KIF13A: variants seen among roughly 807,000 people sequenced by gnomAD.
KIF13A encodes kinesin-like protein KIF13A.
In KIF13A, 79 loss-of-function variants were observed where a neutral mutation model predicts 212.2. That is an observed-to-expected ratio of 0.37 (90% CI 0.31 to 0.45). KIF13A has a LOEUF of 0.45. KIF13A is among the 20% of genes least tolerant of loss of function. The probability of loss-of-function intolerance (pLI) is 1.00; values close to 1 mark genes in which losing one functional copy is unlikely to be tolerated. For synonymous variants in KIF13A, 789 were observed against 808.6 expected, an observed-to-expected ratio of 0.98 and a Z score of 0.41; for missense variants, 1,901 against 2,209.0, an observed-to-expected ratio of 0.86 and a Z score of 2.79.
In KIF13A at chr6:17,831,200, G is replaced by A. The variant is rs761126752; in HGVS notation, c.1302C>T (p.Ser434=). Reference sequence around the variant, plus strand: ...CCACCTTGATACCGGACATCTCCAGGGAAATCCCCATGCTTTCAAGTTGTC... The same window carrying A: ...CCACCTTGATACCGGACATCTCCAGAGAAATCCCCATGCTTTCAAGTTGTC... ...RQRQLESMGI[S]LEMSGIKVGD... Residue 434 remains serine (S), a synonymous_variant, in exon 13 of 39, where the codon TCC becomes TCT. Transcript: ENST00000259711. 6.2e-7 allele frequency: 1 copy of A among 1,613,802 alleles called. No homozygotes were observed. Among genetic ancestry groups the A allele is most frequent in the Non-Finnish European group, 8.5e-7 (1 of 1,179,830 alleles).
At chr6:17,857,452 T>C (rs1346271183) in intron 4 of KIF13A, among the ~76,000 whole-genome samples, 1 of 152,182 alleles carries the variant, frequency 6.6e-6, no homozygotes, top group Non-Finnish European at 1.5e-5. Context: ...CTCGCTGCCA[T>C]GTAAGACGTG....
At chr6:17,922,176 C>T (rs1775133342) in intron 2 of KIF13A, among the ~76,000 whole-genome samples, 1 of 152,162 alleles carries the variant, frequency 6.6e-6, no homozygotes, top group South Asian at 2.1e-4. Context: ...AGACTCAGGT[C>T]AACAGCTAAC....
downstream of KIF13A, chr6:17,763,556 G>A (rs1468707850): frequency 6.6e-6 from 1 of 151,458 alleles, no homozygotes; most frequent in East Asian, 1.9e-4. Context: ...AACTTCAACT[G>A]CTGCTGGAAT....
rs758714998 is a variant in KIF13A at position 17,794,450 on chromosome 6, G to A, written c.3076-55C>T. ...CAGGAATGATAATGAAAAGGAACGG[G>A]ATAAAGAAGGGGAAAAGGATTAGAG... On this transcript the variant is annotated intron_variant, in intron 24 of 38. Coordinates refer to ENST00000259711, the MANE Select transcript of KIF13A (RefSeq NM_022113.6). This position sits in a 1 kb window ranked among gnomAD's most constrained non-coding sequence, Gnocchi z 4.1. 2.5e-6 allele frequency: 4 copies of A among 1,578,530 alleles called. No individual in the cohort carries two copies. Among genetic ancestry groups the A allele is most frequent in the Non-Finnish European group, 2.6e-6 (3 of 1,156,308 alleles).
chr6:17,800,575 T>C (rs1762392721), intron 20 of KIF13A, among the ~76,000 whole-genome samples: 1 of 150,588 alleles, frequency 6.6e-6, no homozygotes, highest in African/African-American at 2.4e-5. Flanking sequence ...TAGTTGGGAT[T>C]ACAGGTGCGT....
Position 17,826,619 on chromosome 6 carries a change from G to T in KIF13A, c.1533-495C>A, listed in dbSNP as rs1200841659. Among the ~76,000 whole-genome samples the T allele has an allele frequency of 6.6e-6, 1 of 152,002 alleles. No individual in the cohort carries two copies. Among genetic ancestry groups the T allele is most frequent in the Non-Finnish European group, 1.5e-5 (1 of 68,002 alleles). ...AACAGACACACACACACACAGAAGA[G>T]AGGAAGAGGAAACCCATTTGTTAAA... On this transcript the variant is annotated intron_variant, in intron 14 of 38. Coordinates refer to ENST00000259711, the MANE Select transcript of KIF13A (RefSeq NM_022113.6). This position sits in a 1 kb window ranked among gnomAD's most constrained non-coding sequence, Gnocchi z 4.7.
chr6:17,885,115 T>TAA (rs35514465), intron 3 of KIF13A, among the ~76,000 whole-genome samples: 6,226 of 149,256 alleles, frequency 0.042, 181 homozygotes, highest in East Asian at 0.086. Context: ...TGAAGATTCA[T>TAA]AAAAGAAAAA....
Position 17,837,638 on chromosome 6 carries a change from T to A in KIF13A, c.831-55A>T. On this transcript the variant is annotated intron_variant, in intron 9 of 38. Transcript: ENST00000259711. This position sits in a 1 kb window ranked among gnomAD's most constrained non-coding sequence, Gnocchi z 5.4. ...ATGGAATGTTTATTTGGTTTAAGTA[T>A]AAAATATGCAGAACAATAAAGCTCC... 3 of 1,180,916 alleles carry A rather than the reference T, an allele frequency of 2.5e-6. No homozygotes were observed. The highest frequency in any genetic ancestry group is 2.5e-6 in the Non-Finnish European group (2 of 811,006). 73.2% of individuals were successfully genotyped at this position (1,180,916 alleles called of 1,614,324 possible).
Position 17,837,140 on chromosome 6 carries a change from A to G in KIF13A, c.943-50T>C. The G allele has an allele frequency of 6.7e-7, 1 of 1,489,328 alleles. No homozygotes were observed. Among genetic ancestry groups the G allele is most frequent in the Admixed American group, 1.7e-5 (1 of 58,704 alleles). The allele number at this position is 1,489,328 out of a possible 1,614,324, so 92.3% of individuals were successfully genotyped here. Reference sequence around the variant, plus strand: ...TTAGGAAGCCCATTCCATGGACAACACATATGATAAAAGCACTAAATGTGT... The same window carrying G: ...TTAGGAAGCCCATTCCATGGACAACGCATATGATAAAAGCACTAAATGTGT... On this transcript the variant is annotated intron_variant, in intron 10 of 38. Transcript: ENST00000259711. This position sits in a 1 kb window ranked among gnomAD's most constrained non-coding sequence, Gnocchi z 5.4.
chr6:17,936,651 T>G (rs1776492033), intron 2 of KIF13A, among the ~76,000 whole-genome samples: 1 of 152,230 alleles, frequency 6.6e-6, no homozygotes, highest in African/African-American at 2.4e-5. Context: ...TCCTATAATG[T>G]GGCTATTATT....
chr6:17,779,963 G>T (rs569718368), intron 31 of KIF13A, among the ~76,000 whole-genome samples: 1 of 151,010 alleles, frequency 6.6e-6, no homozygotes, highest in South Asian at 2.1e-4. Context: ...AGCCAGGATG[G>T]TCTCGATCTC....
chr6:17,931,354 TAAGAG>T (rs1014990336), intron 2 of KIF13A, among the ~76,000 whole-genome samples: 15 of 152,186 alleles, frequency 9.9e-5, no homozygotes, highest in African/African-American at 3.4e-4. Flanking sequence ...CATGGAGTCT[TAAGAG>T]AAGTGATGTG....
In KIF13A at chr6:17,897,089, T is replaced by C. The variant is rs577860422; in HGVS notation, c.159+1079A>G. 3.2e-4 allele frequency among the ~76,000 whole-genome samples: 49 copies of C among 152,218 alleles called. No homozygotes were observed. The highest frequency in any genetic ancestry group is 6.6e-4 in the Non-Finnish European group (45 of 68,038). On this transcript the variant is annotated intron_variant, in intron 3 of 38. Coordinates refer to ENST00000259711, the MANE Select transcript of KIF13A (RefSeq NM_022113.6). The surrounding 1 kb of genome is among the most constrained non-coding windows in gnomAD (Gnocchi z 4.8). Reference sequence around the variant, plus strand: ...CTCTTTCTTAACAGATCTTATATCATTTGTTCAATGCATGCCTTCCTTGCT... The same window carrying C: ...CTCTTTCTTAACAGATCTTATATCACTTGTTCAATGCATGCCTTCCTTGCT...
intron 12 of KIF13A, among the ~76,000 whole-genome samples, chr6:17,832,282 A>T (rs1235741330): frequency 6.6e-6 from 1 of 152,224 alleles, no homozygotes; most frequent in Non-Finnish European, 1.5e-5. Context: ...TAACTTAAGT[A>T]AAAGTTAAAA....
At chr6:17,958,781 C>T (rs1445364939) in intron 2 of KIF13A, among the ~76,000 whole-genome samples, 1 of 151,568 alleles carries the variant, frequency 6.6e-6, no homozygotes, top group Non-Finnish European at 1.5e-5. Context: ...CATCCGAATG[C>T]AAAACTGATT....
At chr6:17,797,153 C>G (rs1762108826) in intron 22 of KIF13A, among the ~76,000 whole-genome samples, 1 of 152,108 alleles carries the variant, frequency 6.6e-6, no homozygotes, top group Non-Finnish European at 1.5e-5. Flanking sequence ...CCTCAGCCTC[C>G]CGAGTAGCTG....
At chr6:17,923,042 C>T (rs958805774) in intron 2 of KIF13A, among the ~76,000 whole-genome samples, 1 of 151,970 alleles carries the variant, frequency 6.6e-6, no homozygotes, top group Non-Finnish European at 1.5e-5. Flanking sequence ...GAGGCTGAGG[C>T]AGGTGGATCA....
chr6:17,844,489 T>G (rs1425863786), intron 9 of KIF13A, among the ~76,000 whole-genome samples: 1 of 152,240 alleles, frequency 6.6e-6, no homozygotes, highest in Non-Finnish European at 1.5e-5. Flanking sequence ...TTTACAGGAT[T>G]TATTACTGCA....
Position 17,855,641 on chromosome 6 carries a change from AG to A in KIF13A, c.314-25del. On this transcript the variant is annotated intron_variant, in intron 5 of 38. Transcript: ENST00000259711. The surrounding 1 kb of genome is among the most constrained non-coding windows in gnomAD (Gnocchi z 4.1). ...ACCTGGAGAACAGCAAGGAAAAAGA[AG>A]AACAGGTAGAGGAGGGAGCAAAATG... 6.4e-7 allele frequency: 1 copy of A among 1,574,794 alleles called. No homozygotes were observed.
Sources: allele counts gnomAD v4.1 joint callset (sites outside exome capture counted in the v4.1 genomes callset), GRCh38; gene constraint gnomAD v4.1.1; non-coding constraint Gnocchi (gnomAD v3.1); transcripts MANE v1.5; gene names NCBI Gene and HGNC (gene_info 2026-07-23, HGNC 2026-07-21).